Variants in MTRR observed in about 807,000 individuals in gnomAD.
The protein encoded by MTRR is 5-methyltetrahydrofolate-homocysteine methyltransferase reductase.
In MTRR, 63 loss-of-function variants were observed where a neutral mutation model predicts 79.2. That is an observed-to-expected ratio of 0.80 (90% CI 0.65 to 0.98). The LOEUF is 0.98. Among genes scored for constraint, MTRR ranks in the 50% least tolerant of loss-of-function variants. MTRR has a pLI of 0.00. For synonymous variants in MTRR, 355 were observed against 313.3 expected (o/e 1.13, Z -1.41); for missense variants, 895 against 839.6 (o/e 1.07, Z -0.82).
intron 1 of MTRR, among the ~76,000 whole-genome samples, chr5:7,854,548 C>G (rs936861122): frequency 1.4e-4 from 22 of 152,154 alleles, no homozygotes; most frequent in East Asian, 3.9e-4. Flanking sequence ...ATGAAAGGCA[C>G]TCCTTACATG....
rs1746369539 is a variant in MTRR at position 7,859,361 on chromosome 5, A to G, written n.392-2590A>G. The G allele has an allele frequency of 3.4e-6, 3 of 883,026 alleles. No homozygotes were observed. In the Admixed American group the frequency reaches 7.8e-5, roughly 23 times the overall value. 54.7% of individuals were successfully genotyped at this position (883,026 alleles called of 1,614,324 possible). A position where few individuals can be genotyped will look rare whatever the true frequency, so the allele number is the denominator to read the frequency against. On this transcript the variant is annotated intron_variant and non_coding_transcript_variant, in intron 1 of 3. Coordinates refer to the MTRR transcript ENST00000502509. ...ATATTCTGCAAAGTGGCTAATTCAC[A>G]TTATATTTTTCTTTTAATACTGAGT...
intron 5 of MTRR, among the ~76,000 whole-genome samples, chr5:7,880,718 TTAACGTCA>T (rs1342075957): frequency 5.3e-5 from 8 of 152,314 alleles, no homozygotes; most frequent in African/African-American, 1.9e-4. Flanking sequence ...ATGATAGATC[TTAACGTCA>T]TAGGCCAATA....
intron 14 of MTRR, 134 bp from the exon 15 acceptor site, chr5:7,899,780 C>G (rs1739176922): frequency 9.2e-6 from 11 of 1,194,160 alleles, no homozygotes; most frequent in Non-Finnish European, 1.4e-5. Flanking sequence ...GCTGGGAGAT[C>G]TGTGTGAGAT....
At chr5:7,895,537 A>G (rs1170447492) in intron 11 of MTRR, among the ~76,000 whole-genome samples, 197 bp from the exon 12 acceptor site, 1 of 152,218 alleles carries the variant, frequency 6.6e-6, no homozygotes, top group Non-Finnish European at 1.5e-5. Flanking sequence ...TTGAATAGAA[A>G]AGAAAAATTT....
upstream of MTRR, chr5:7,868,317 T>G (rs958088736): frequency 4.2e-6 from 2 of 471,420 alleles, no homozygotes; most frequent in Non-Finnish European, 7.4e-6. Flanking sequence ...CGCTATTACT[T>G]GCTAAACACT....
At chr5:7,867,537 G>A (rs1483806068), upstream of MTRR, 7 of 1,614,144 alleles carry the variant, frequency 4.3e-6, no homozygotes, top group South Asian at 3.3e-5. Flanking sequence ...ATCAGAGCTT[G>A]CAAAGCAGTC....
chr5:7,870,543 C>G (rs985604661), intron 1 of MTRR: 10 of 513,816 alleles, frequency 1.9e-5, no homozygotes, highest in Non-Finnish European at 2.8e-5. Context: ...AGCCGATCAT[C>G]TGATTTCTGA....
intron 2 of MTRR, among the ~76,000 whole-genome samples, chr5:7,862,511 A>C (rs977471911): frequency 1.3e-5 from 2 of 152,172 alleles, no homozygotes; most frequent in African/African-American, 4.8e-5. Flanking sequence ...CCTACGTTCC[A>C]GGTACTATTT....
chr5:7,857,869 G>A (rs780172278), intron 1 of MTRR, among the ~76,000 whole-genome samples: 22 of 151,662 alleles, frequency 1.5e-4, no homozygotes, highest in South Asian at 2.1e-4. Context: ...AACTGCAGAA[G>A]GAGGAGCATC....
chr5:7,877,207 A>G (rs1187490000), intron 4 of MTRR, among the ~76,000 whole-genome samples: 1 of 152,182 alleles, frequency 6.6e-6, no homozygotes, highest in African/African-American at 2.4e-5. Context: ...AGTCTTATCC[A>G]CTGACTCTAC....
At chr5:7,883,093 C>T in intron 5 of MTRR, 62 bp from the exon 6 acceptor site, 1 of 1,611,298 alleles carries the variant, frequency 6.2e-7, no homozygotes, top group South Asian at 1.1e-5. Context: ...TGCGTAGTCA[C>T]TAATTGAAAG....
chr5:7,868,987 G>C (rs560408911), upstream of MTRR: 14 of 917,840 alleles, frequency 1.5e-5, no homozygotes, highest in Non-Finnish European at 2.5e-5. Context: ...ACCGCGCTCT[G>C]CCGGGCAATC....
Position 7,889,232 on chromosome 5 carries a change from C to T in MTRR, c.1284C>T (p.Leu428=). ...RDACACLLDL[L]LAFPSCQPPL... ...CCTGTGCCTGCTTGTTGGATCTCCT[C>T]CTCGCTTTCCCTTCTTGCCAGCCAC... Residue 428 remains leucine, a synonymous_variant, in exon 9 of 15, where the codon CTC becomes CTT. Coordinates refer to ENST00000440940, the MANE Select transcript of MTRR (RefSeq NM_002454.3). 1 of 1,613,244 alleles carries T rather than the reference C, an allele frequency of 6.2e-7. No homozygotes were observed. Among genetic ancestry groups the T allele is most frequent in the Non-Finnish European group, 8.5e-7 (1 of 1,180,016 alleles).
At chr5:7,872,836 C>CT (rs375205863) in intron 2 of MTRR, among the ~76,000 whole-genome samples, 3 of 151,944 alleles carry the variant, frequency 2.0e-5, no homozygotes, top group Non-Finnish European at 2.9e-5. Flanking sequence ...TCTTTCCTTG[C>CT]TTTTTTTTAC....
In MTRR at chr5:7,870,213, A is replaced by T. The variant is rs377568271; in HGVS notation, c.-25-557A>T. On this transcript the variant is annotated intron_variant, in intron 1 of 14. Coordinates refer to ENST00000440940, the MANE Select transcript of MTRR (RefSeq NM_002454.3). ...TGATTTGCATTAAATAATGAAGGAG[A>T]GTATGTGCTTCAGTTACCTTTAGTA... 10 of 329,366 alleles carry T rather than the reference A, an allele frequency of 3.0e-5. No homozygotes were observed. In the East Asian group the frequency reaches 6.2e-4, roughly 21 times the overall value. 20.4% of individuals were successfully genotyped at this position (329,366 alleles called of 1,614,324 possible). A position where few individuals can be genotyped will look rare whatever the true frequency, so the allele number is the denominator to read the frequency against.
At chr5:7,888,679 GC>G (rs2126767834) in intron 8 of MTRR, among the ~76,000 whole-genome samples, 1 of 152,304 alleles carries the variant, frequency 6.6e-6, no homozygotes, top group Admixed American at 6.5e-5. Context: ...ATTTAAAGTA[GC>G]AGTACCCATT....
intron 5 of MTRR, among the ~76,000 whole-genome samples, chr5:7,880,847 A>T (rs935211067): frequency 2.6e-5 from 4 of 152,228 alleles, no homozygotes; most frequent in Admixed American, 2.6e-4. Flanking sequence ...AGCTATGCTG[A>T]TGCTTTGGGT....
intron 1 of MTRR, among the ~76,000 whole-genome samples, chr5:7,856,428 C>T (rs1746248580): frequency 6.6e-6 from 1 of 152,208 alleles, no homozygotes; most frequent in Non-Finnish European, 1.5e-5. Context: ...TAGCCATGTT[C>T]CTTCTTACAG....
chr5:7,866,868 G>A (rs750213168), upstream of MTRR: 6 of 1,613,960 alleles, frequency 3.7e-6, no homozygotes, highest in East Asian at 2.2e-5. Context: ...GAAATCTGAC[G>A]AGGTGAAAAT....
Sources: gnomAD v4.1 joint callset for allele counts (sites outside exome capture counted in the v4.1 genomes callset) on GRCh38, gnomAD v4.1.1 for gene constraint, MANE v1.5 for transcripts, NCBI Gene and HGNC (gene_info 2026-07-23, HGNC 2026-07-21) for gene names.